Variants in EPN1 observed in about 807,000 individuals in gnomAD.
EPN1 encodes the protein epsin-1.
In EPN1, 25 loss-of-function variants were observed where a neutral mutation model predicts 56.9. That is an observed-to-expected ratio of 0.44 (90% confidence interval 0.32 to 0.61). The LOEUF is 0.61. Ranked by LOEUF, EPN1 falls within the 20% of genes least tolerant of loss-of-function variation. EPN1 has a pLI of 0.05. For synonymous variants in EPN1, 411 were observed against 361.8 expected (o/e 1.14, Z -1.54); for missense variants, 785 against 823.7 (o/e 0.95, Z 0.58).
chr19:55,690,056 T>C, intron 6 of EPN1, 106 bp downstream of exon 6: 1 of 1,111,896 alleles, frequency 9.0e-7, no homozygotes, highest in Non-Finnish European at 1.3e-6. Flanking sequence ...AAACACAAGG[T>C]CCTGGAGCTG....
chr19:55,688,931 C>A lies in EPN1; in HGVS notation c.540C>A (p.Ser180Arg). Residue 180 changes from serine (S) to arginine (R), a missense_variant, in exon 4 of 11, where the codon AGC (serine) becomes AGA (arginine). Ser to Arg is a moderately radical substitution (Grantham distance 110). This residue lies in a region of EPN1 where 650 missense variants were observed against 605.0 expected (regional missense o/e 1.07). Transcript: ENST00000270460. ...AGGCGGAGCAGGCGTGGCCGCAGAG[C>A]AGCGGGGAGGAGGAGCTGCAGCTCC... ...PPEAEQAWPQ[S>R]SGEEELQLQL... 6.3e-7 allele frequency: 1 copy of A among 1,594,848 alleles called. No individual in the cohort carries two copies. The highest frequency in any genetic ancestry group is 8.5e-7 in the Non-Finnish European group (1 of 1,172,492).
In EPN1 at chr19:55,694,669, G is replaced by T; in HGVS notation, c.1265-57G>T. The T allele has an allele frequency of 6.6e-7, 1 of 1,508,022 alleles. No homozygotes were observed. The highest frequency in any genetic ancestry group is 8.8e-7 in the Non-Finnish European group (1 of 1,131,170). 93.4% of individuals were successfully genotyped at this position (1,508,022 alleles called of 1,614,324 possible). A position where few individuals can be genotyped will look rare whatever the true frequency, so the allele number is the denominator to read the frequency against. ...CCCTATGATGGCCTATACTGCTCCCGGGTTGGAGCCTCACTGCTGTCTGCC... is the reference window on the plus strand; with the variant it reads ...CCCTATGATGGCCTATACTGCTCCCTGGTTGGAGCCTCACTGCTGTCTGCC... On this transcript the variant is annotated intron_variant, in intron 9 of 10. Transcript: ENST00000270460. The surrounding 1 kb of genome is among the most constrained non-coding windows in gnomAD (Gnocchi z 4.2).
intron 2 of EPN1, among the ~76,000 whole-genome samples, chr19:55,685,038 T>A (rs1986070782): frequency 6.6e-6 from 1 of 152,254 alleles, no homozygotes; most frequent in Non-Finnish European, 1.5e-5. Flanking sequence ...AGCCTTCAGG[T>A]GGTCCCTCTC....
At chr19:55,677,832 T>C in intron 1 of EPN1, 1 of 1,391,958 alleles carries the variant, frequency 7.2e-7, no homozygotes, top group Non-Finnish European at 9.4e-7. Flanking sequence ...CCTCTGCCCT[T>C]GTTCCAGAGG....
At chr19:55,683,239 T>G (rs949535551) in intron 2 of EPN1, among the ~76,000 whole-genome samples, 1 of 150,934 alleles carries the variant, frequency 6.6e-6, no homozygotes, top group Non-Finnish European at 1.5e-5. Context: ...GTATTTTTAG[T>G]AGAGATGGTG....
At position 55,697,604 on chromosome 19, in the gene EPN1, T is replaced by A. The variant is rs1395134825; in HGVS notation, c.*2248T>A. On this transcript the variant is annotated 3_prime_UTR_variant, in exon 11 of 11. Coordinates refer to ENST00000270460, the MANE Select transcript of EPN1 (RefSeq NM_001130072.2). ...AAAAACCCAGAGGCTTGCACATAAA[T>A]TTGGGGCTTAACTACAGCATCTTCG... 1 of 152,086 alleles carries A rather than the reference T, an allele frequency of 6.6e-6. No homozygotes were observed. The highest frequency in any genetic ancestry group is 2.4e-5 in the African/African-American group (1 of 41,386). The allele number at this position is 152,086 out of a possible 1,614,324, so 9.4% of individuals were successfully genotyped here. A position where few individuals can be genotyped will look rare whatever the true frequency, so the allele number is the denominator to read the frequency against.
chr19:55,693,726 T>A (rs1986730055), intron 9 of EPN1, among the ~76,000 whole-genome samples: 1 of 152,164 alleles, frequency 6.6e-6, no homozygotes, highest in Non-Finnish European at 1.5e-5. Context: ...CAGGTTGTGG[T>A]ACAGAAACCT....
At position 55,691,725 on chromosome 19, in the gene EPN1, A is replaced by G; in HGVS notation, c.763-29A>G. On this transcript the variant is annotated intron_variant, in intron 6 of 10. Transcript: ENST00000270460. The surrounding 1 kb of genome is among the most constrained non-coding windows in gnomAD (Gnocchi z 5.6). The stretch of plus-strand genomic sequence containing the variant: ...GTCCCAGGCTTCCCACCACTTCTTC[A>G]TGCTCCTTCTCTTCTCTCTCCCCCA... The G allele has an allele frequency of 3.1e-6, 5 of 1,596,778 alleles. No individual in the cohort carries two copies. Among genetic ancestry groups the G allele is most frequent in the Non-Finnish European group, 4.3e-6 (5 of 1,170,562 alleles).
chr19:55,689,489 G>A lies in EPN1; in HGVS notation c.678+118G>A, dbSNP rs1035397554. 17 of 754,372 alleles carry A rather than the reference G, an allele frequency of 2.3e-5. 1 individual carries two copies. The highest frequency in any genetic ancestry group is 5.5e-4 in the Middle Eastern group (2 of 3,654). 46.7% of individuals were successfully genotyped at this position (754,372 alleles called of 1,614,324 possible). A position where few individuals can be genotyped will look rare whatever the true frequency, so the allele number is the denominator to read the frequency against. On this transcript the variant is annotated intron_variant, in intron 5 of 10. Transcript: ENST00000270460. The surrounding 1 kb of genome is among the most constrained non-coding windows in gnomAD (Gnocchi z 5.7). ...GGGCCCGAAGCCCACAGGCTCACGC[G>A]TGTTGAAACCTCAGTACCTTCAGCC...
chr19:55,682,909 A>G (rs1985914267), intron 2 of EPN1, among the ~76,000 whole-genome samples: 1 of 151,938 alleles, frequency 6.6e-6, no homozygotes, highest in African/African-American at 2.4e-5. Flanking sequence ...GGTACTTGCC[A>G]CCACGCCTGG....
Position 55,690,696 on chromosome 19 carries a change from G to T in EPN1, c.762+746G>T, listed in dbSNP as rs527421867. 1.4e-3 allele frequency among the ~76,000 whole-genome samples: 220 copies of T among 152,256 alleles called. 1 individual carries two copies. Among genetic ancestry groups the T allele is most frequent in the Admixed American group, 6.6e-3 (101 of 15,304 alleles). ...CGTCGGGCTGGGTTGGAGTTGCCTC[G>T]TCAGCCTGTGCACTGCTATTGGTCT... On this transcript the variant is annotated intron_variant, in intron 6 of 10. Coordinates refer to ENST00000270460, the MANE Select transcript of EPN1 (RefSeq NM_001130072.2).
chr19:55,680,492 G>T (rs1318847020), intron 2 of EPN1, among the ~76,000 whole-genome samples: 1 of 152,208 alleles, frequency 6.6e-6, no homozygotes, highest in African/African-American at 2.4e-5. Context: ...CTGAACCACT[G>T]GTTCCTCATG....
intron 7 of EPN1, 117 bp downstream of exon 7, chr19:55,692,174 C>T (rs1986602022): frequency 1.9e-6 from 2 of 1,037,468 alleles, no homozygotes; most frequent in Non-Finnish European, 2.6e-6. Context: ...GGTGGGGCGT[C>T]CTGGGTGCAG....
chr19:55,689,521 T>C lies in EPN1; in HGVS notation c.678+150T>C. 1.5e-6 allele frequency: 1 copy of C among 659,644 alleles called. No homozygotes were observed. Among genetic ancestry groups the C allele is most frequent in the Middle Eastern group, 3.7e-4 (1 of 2,720 alleles). The allele number at this position is 659,644 out of a possible 1,614,324, so 40.9% of individuals were successfully genotyped here. A position where few individuals can be genotyped will look rare whatever the true frequency, so the allele number is the denominator to read the frequency against. On this transcript the variant is annotated intron_variant, in intron 5 of 10. Transcript: ENST00000270460. The surrounding 1 kb of genome is among the most constrained non-coding windows in gnomAD (Gnocchi z 5.7). The stretch of plus-strand genomic sequence containing the variant: ...AACCTCAGTACCTTCAGCCGTAGGA[T>C]GTAGGACCACAAGTCAGACAGAGCC...
rs34908329 is a variant in EPN1, at chr19:55,694,874, G to A, written c.1413G>A (p.Pro471=). 17,244 of 1,604,140 alleles carry A rather than the reference G, an allele frequency of 0.011. 128 individuals are homozygous for A. The highest frequency in any genetic ancestry group is 0.012 in the Non-Finnish European group (13,923 of 1,175,714). ...PTPTPPTRKT[P]ESFLGPNAAL... ...CCACGCCCCCCACCCGGAAGACGCCGGAGTCATTCCTGGGGCCCAATGCAG... is the reference window on the plus strand; with the variant it reads ...CCACGCCCCCCACCCGGAAGACGCCAGAGTCATTCCTGGGGCCCAATGCAG... The change falls in exon 10 of 11, where the codon CCG becomes CCA. Residue 471 remains proline, a synonymous_variant. Coordinates refer to ENST00000270460, the MANE Select transcript of EPN1 (RefSeq NM_001130072.2). This position sits in a 1 kb window ranked among gnomAD's most constrained non-coding sequence, Gnocchi z 4.2.
chr19:55,688,730 A>G, intron 3 of EPN1, 140 bp from the exon 4 acceptor site: 4 of 1,242,020 alleles, frequency 3.2e-6, no homozygotes, highest in Non-Finnish European at 4.4e-6. Context: ...TCTCAGTCCT[A>G]GTCTTGGCCT....
Position 55,693,007 on chromosome 19 carries a change from A to T in EPN1, c.1234A>T (p.Thr412Ser), listed in dbSNP as rs1986676388. The T allele has an allele frequency of 6.2e-7, 1 of 1,613,290 alleles. No homozygotes were observed. The change falls in exon 9 of 11, where the codon ACG (threonine) becomes TCG (serine). Residue 412 changes from threonine (T) to serine (S), a missense_variant. By Grantham distance (58) the Thr-to-Ser change is moderately conservative. Transcript: ENST00000270460. ...DEFSDFDRLRTALPTSGSSAG... is the reference protein window; with the variant it reads ...DEFSDFDRLRSALPTSGSSAG... ...GTTCTCTGACTTTGACCGACTCCGC[A>T]CGGCACTGCCGACCTCCGGGAGCAG...
At position 55,708,717 on chromosome 19, in the gene EPN1, T is replaced by G. The variant is rs1184768137; in HGVS notation, c.*13361T>G. On this transcript the variant is annotated 3_prime_UTR_variant, in exon 11 of 11. Coordinates refer to ENST00000270460, the MANE Select transcript of EPN1 (RefSeq NM_001130072.2). ...TGGGATTTCTAAAGACAAGGGGATATAGGACCGAGGCAAAGACAATCAGCA... is the reference window on the plus strand; with the variant it reads ...TGGGATTTCTAAAGACAAGGGGATAGAGGACCGAGGCAAAGACAATCAGCA... 1 of 433,898 alleles carries G rather than the reference T, an allele frequency of 2.3e-6. No homozygotes were observed. Among genetic ancestry groups the G allele is most frequent in the Non-Finnish European group, 4.1e-6 (1 of 244,274 alleles). The allele number at this position is 433,898 out of a possible 1,614,324, so 26.9% of individuals were successfully genotyped here.
chr19:55,693,394 G>C (rs1260788314), intron 9 of EPN1: 1 of 177,486 alleles, frequency 5.6e-6, no homozygotes, highest in East Asian at 1.5e-4. Flanking sequence ...TGCGTGGACA[G>C]GGGTTTGGAA....
Sources: gnomAD v4.1 joint callset for allele counts (sites outside exome capture counted in the v4.1 genomes callset) on GRCh38, gnomAD v4.1.1 for gene constraint, gnomAD v4.1.1 regional missense constraint, Gnocchi (gnomAD v3.1) non-coding constraint, MANE v1.5 for transcripts, NCBI Gene and HGNC (gene_info 2026-07-23, HGNC 2026-07-21) for gene names.